The following LIPE variants were observed in gnomAD, a reference collection of about 807,000 sequenced individuals.
LIPE encodes lipase E, hormone sensitive type.
A neutral mutation model predicts 88.5 loss-of-function variants in LIPE; 66 were observed. The observed-to-expected ratio is 0.75, with a 90% confidence interval of 0.61 to 0.91. LIPE has a LOEUF of 0.91. Ranked by LOEUF, LIPE falls within the 40% of genes least tolerant of loss-of-function variation. LIPE has a pLI of 0.00. For missense variants in LIPE, 1,346 were observed against 1,434.7 expected, an observed-to-expected ratio of 0.94 and a Z score of 1.00; for synonymous variants, 570 against 617.5, an observed-to-expected ratio of 0.92 and a Z score of 1.14.
In LIPE at chr19:42,402,674, T is replaced by C. The variant is rs930515821; in HGVS notation, c.2900A>G (p.Asn967Ser). The change falls in exon 9 of 10, where the codon AAC (asparagine) becomes AGC (serine). Residue 967 changes from asparagine (N) to serine (S), a missense_variant. Physicochemically the swap from Asn to Ser is conservative, Grantham distance 46. Transcript: ENST00000244289. ...TGCCAGCAGCGGCGACATGAAGGGG[T>C]TCTTGACTATGGGTGAGGAGTAGAG... Reference protein sequence around the residue: ...MPLYSSPIVKNPFMSPLLAPD... With the variant: ...MPLYSSPIVKSPFMSPLLAPD... 6.7e-6 allele frequency: 10 copies of C among 1,501,372 alleles called. No homozygotes were observed. Among genetic ancestry groups the C allele is most frequent in the Non-Finnish European group, 8.9e-6 (10 of 1,122,468 alleles). 93.0% of individuals were successfully genotyped at this position (1,501,372 alleles called of 1,614,324 possible). A position where few individuals can be genotyped will look rare whatever the true frequency, so the allele number is the denominator to read the frequency against.
intron 7 of LIPE, chr19:42,405,768 A>G (rs183982415): frequency 6.3e-5 from 37 of 585,502 alleles, no homozygotes; most frequent in African/African-American, 5.2e-4. Context: ...CCAGGAGTTC[A>G]AGACCAGCCT....
intron 1 of LIPE, among the ~76,000 whole-genome samples, chr19:42,417,671 C>T (rs1273026713): frequency 6.6e-6 from 1 of 152,110 alleles, no homozygotes; most frequent in Non-Finnish European, 1.5e-5. Flanking sequence ...AGGCATGTGC[C>T]ACCATGCCCA....
At chr19:42,403,170 G>A in intron 8 of LIPE, 139 bp from the exon 9 acceptor site, 1 of 850,294 alleles carries the variant, frequency 1.2e-6, no homozygotes. Context: ...CTAGGGGATG[G>A]GTGGAGTTCC....
intron 1 of LIPE, among the ~76,000 whole-genome samples, chr19:42,411,105 C>G (rs2040363793): frequency 4.6e-5 from 7 of 152,132 alleles, no homozygotes; most frequent in Admixed American, 4.6e-4. Flanking sequence ...GCCCTCAGCT[C>G]CCTCCTCCCT....
chr19:42,426,363 T>G lies in LIPE; in HGVS notation c.787A>C (p.Lys263Gln), dbSNP rs2040707600. The G allele has an allele frequency of 1.9e-6, 3 of 1,614,046 alleles. No individual in the cohort carries two copies. The highest frequency in any genetic ancestry group is 2.5e-6 in the Non-Finnish European group (3 of 1,179,942). The change falls in exon 1 of 10, where the codon AAA (lysine) becomes CAA (glutamine). Residue 263 changes from lysine to glutamine, a missense_variant. Lys to Gln is a moderately conservative substitution (Grantham distance 53, BLOSUM62 1). Coordinates refer to ENST00000244289, the MANE Select transcript of LIPE (RefSeq NM_005357.4). ...ATCACTTTATAACCAGATTTTCCTT[T>G]GAAGCCTAGCTTCACTCCCTGGGCC... ...MVAQGVKLGF[K>Q]GKSGYKVMSG...
intron 1 of LIPE, chr19:42,423,954 C>A: frequency 8.6e-7 from 1 of 1,168,816 alleles, no homozygotes; most frequent in Non-Finnish European, 1.1e-6. Context: ...TAGCACGCGG[C>A]CCGGCCCGCC....
chr19:42,405,466 G>T lies in LIPE; in HGVS notation c.2461C>A (p.Arg821Ser). 3.7e-6 allele frequency: 6 copies of T among 1,614,062 alleles called. No homozygotes were observed. The highest frequency in any genetic ancestry group is 5.1e-6 in the Non-Finnish European group (6 of 1,179,962). The change falls in exon 8 of 10, where the codon CGC becomes AGC. Residue 821 changes from arginine (R) to serine (S), a missense_variant. Transcript: ENST00000244289. Reference sequence around the variant, plus strand: ...TTGAGCCATGAGGAGGCACCCAGGCGGAAGTCTCGGAGGAGCAGGGCTGTG... The same window carrying T: ...TTGAGCCATGAGGAGGCACCCAGGCTGAAGTCTCGGAGGAGCAGGGCTGTG... ...RDTALLLRDFRLGASSWLNSF... is the reference protein window; with the variant it reads ...RDTALLLRDFSLGASSWLNSF...
rs2040722038 is a variant in LIPE, at chr19:42,427,058, T to C, written c.92A>G (p.Lys31Arg). The change falls in exon 1 of 10, where the codon AAG becomes AGG. Residue 31 changes from lysine to arginine, a missense_variant. Physicochemically the swap from Lys to Arg is conservative, Grantham distance 26. Transcript: ENST00000244289. ...CGATTCTGGCTGGGCTATGGGTGTC[T>C]TTTCTGGCCCAGGCTCTAGCGGGGT... The part of the protein sequence containing the change: ...PITPLEPGPE[K>R]TPIAQPESKT... 6.2e-7 allele frequency: 1 copy of C among 1,614,016 alleles called. No homozygotes were observed. Among genetic ancestry groups the C allele is most frequent in the Admixed American group, 1.7e-5 (1 of 59,990 alleles).
intron 1 of LIPE, among the ~76,000 whole-genome samples, chr19:42,415,810 G>GAAA (rs756329700): frequency 1.5e-5 from 2 of 135,436 alleles, no homozygotes; most frequent in Non-Finnish European, 1.6e-5. Context: ...ACTCCGTCTG[G>GAAA]AAAAAAAAAA....
intron 1 of LIPE, among the ~76,000 whole-genome samples, chr19:42,412,935 T>C (rs1028055796): frequency 3.9e-5 from 6 of 152,224 alleles, no homozygotes; most frequent in Non-Finnish European, 7.3e-5. Flanking sequence ...CAGGCTCAGC[T>C]AGGGGCCTGA....
chr19:42,426,831 T>A lies in LIPE; in HGVS notation c.319A>T (p.Thr107Ser), dbSNP rs780020049. ...QSPYIQRVLL[T>S]QQEAASQQGP... is the part of the protein sequence containing the mutation. ...TGCTGGGAGGCAGCTTCCTGTTGAGTGAGCAGCACCCTTTGGATGTAAGGT... is the reference window on the plus strand; with the variant it reads ...TGCTGGGAGGCAGCTTCCTGTTGAGAGAGCAGCACCCTTTGGATGTAAGGT... Residue 107 changes from threonine to serine, a missense_variant, in exon 1 of 10, where the codon ACT becomes TCT. By Grantham distance (58) the Thr-to-Ser change is moderately conservative (BLOSUM62 1). Transcript: ENST00000244289. 1 of 1,614,126 alleles carries A rather than the reference T, an allele frequency of 6.2e-7. No homozygotes were observed.
chr19:42,423,492 G>C, intron 1 of LIPE: 1 of 1,281,636 alleles, frequency 7.8e-7, no homozygotes. Context: ...TCGAGGCCGG[G>C]GCCATAGCGG....
chr19:42,426,589 T>C lies in LIPE; in HGVS notation c.561A>G (p.Gln187=), dbSNP rs2040711854. The C allele has an allele frequency of 6.2e-7, 1 of 1,614,078 alleles. No homozygotes were observed. Among genetic ancestry groups the C allele is most frequent in the African/African-American group, 1.3e-5 (1 of 74,942 alleles). ...ATTTGGCTCCCTGGACTGGCGTTGT[T>C]TGCTTGTCTGACTGTTCAGGTGTCT... ...SQETPEQSDK[Q]TTPVQGAKSK... Residue 187 remains glutamine (Q), a synonymous_variant, in exon 1 of 10, where the codon CAA becomes CAG. Transcript: ENST00000244289.
intron 1 of LIPE, chr19:42,424,610 C>G: frequency 4.4e-6 from 2 of 456,336 alleles, no homozygotes; most frequent in South Asian, 1.5e-5. Flanking sequence ...ACTCTCTTAT[C>G]AGCTGTGGGA....
Position 42,423,862 on chromosome 19 carries a change from C to T in LIPE, c.883+2405G>A. The T allele has an allele frequency of 2.7e-6, 3 of 1,124,492 alleles. 1 individual carries two copies. The highest frequency in any genetic ancestry group is 3.3e-6 in the Non-Finnish European group (3 of 911,912). The allele number at this position is 1,124,492 out of a possible 1,614,324, so 69.7% of individuals were successfully genotyped here. A position where few individuals can be genotyped will look rare whatever the true frequency, so the allele number is the denominator to read the frequency against. On this transcript the variant is annotated intron_variant, in intron 1 of 9. Coordinates refer to ENST00000244289, the MANE Select transcript of LIPE (RefSeq NM_005357.4). ...CGGGGAGCACCCCAGCAGGGAAGTC[C>T]CGATCTTCCCACGTGCTGGGAAGCC...
Position 42,406,722 on chromosome 19 carries a change from G to A in LIPE, c.2138-334C>T, listed in dbSNP as rs1289055101. Reference sequence around the variant, plus strand: ...TTGCAGGAGGGGGGCCTCAGAGGGCGGGAATGGAAGGTCAGGGTTCAGGGT... The same window carrying A: ...TTGCAGGAGGGGGGCCTCAGAGGGCAGGAATGGAAGGTCAGGGTTCAGGGT... On this transcript the variant is annotated intron_variant, in intron 6 of 9. Coordinates refer to ENST00000244289, the MANE Select transcript of LIPE (RefSeq NM_005357.4). The surrounding 1 kb of genome is among the most constrained non-coding windows in gnomAD (Gnocchi z 5.7). Among the ~76,000 whole-genome samples the A allele has an allele frequency of 2.6e-5, 4 of 152,084 alleles. No individual in the cohort carries two copies. The highest frequency in any genetic ancestry group is 4.4e-5 in the Non-Finnish European group (3 of 67,992).
At chr19:42,422,973 C>T (rs2040629209) in intron 1 of LIPE, 1 of 172,456 alleles carries the variant, frequency 5.8e-6, no homozygotes, top group South Asian at 1.0e-4. Context: ...ACCCCTTCCT[C>T]CTACCTCTCC....
In LIPE at chr19:42,402,015, G is replaced by A. The variant is rs1308856793; in HGVS notation, c.3028C>T (p.Leu1010=). 1.3e-6 allele frequency: 2 copies of A among 1,543,596 alleles called. No homozygotes were observed. The highest frequency in any genetic ancestry group is 1.2e-5 in the South Asian group (1 of 83,354). ...ACGCGCAGCGTCACCGGCTGGCCCA[G>A]GTTGCGCAGTCGCCGCGCGAGCATG... ...SVMLARRLRN[L]GQPVTLRVVE... is the part of the protein sequence containing the mutation. The change falls in exon 10 of 10, where the codon CTG becomes TTG. Residue 1010 remains leucine, a synonymous_variant. Transcript: ENST00000244289.
intron 2 of LIPE, among the ~76,000 whole-genome samples, chr19:42,409,115 A>C (rs999803631): frequency 6.6e-6 from 1 of 152,010 alleles, no homozygotes; most frequent in Non-Finnish European, 1.5e-5. Flanking sequence ...GAACAGGGAG[A>C]TGGCCAGAGA....
Sources: gnomAD v4.1 joint callset for allele counts (sites outside exome capture counted in the v4.1 genomes callset) on GRCh38, gnomAD v4.1.1 for gene constraint, Gnocchi (gnomAD v3.1) non-coding constraint, MANE v1.5 for transcripts, NCBI Gene and HGNC (gene_info 2026-07-23, HGNC 2026-07-21) for gene names.